The following C5 variants were observed in gnomAD, a reference collection of about 807,000 sequenced individuals.
C5 encodes the protein complement C5.
Under a neutral mutation model 218.8 loss-of-function variants are expected in C5, and 140 were observed. That is an observed-to-expected ratio of 0.64 (90% confidence interval 0.56 to 0.74). The LOEUF (loss-of-function observed/expected upper bound fraction) is 0.74. Among genes scored for constraint, C5 ranks in the 30% least tolerant of loss-of-function variants. The pLI, the probability that C5 is intolerant of heterozygous loss-of-function variation, is 0.00. For synonymous variants in C5, 614 were observed against 682.3 expected (o/e 0.90, Z 1.56); for missense variants, 1,700 against 1,969.6 (o/e 0.86, Z 2.59).
chr9:120,952,932 A>T (rs1210057730), intron 40 of C5, 64 bp from the exon 41 acceptor site: 2 of 1,559,074 alleles, frequency 1.3e-6, no homozygotes, highest in Non-Finnish European at 1.8e-6. Flanking sequence ...TGATTTCTTT[A>T]TTTTTTTTTG....
At chr9:121,040,164 G>T (rs115607280) in intron 3 of C5, among the ~76,000 whole-genome samples, 1,680 of 152,320 alleles carry the variant, frequency 0.011, 27 homozygotes, top group African/African-American at 0.038. Flanking sequence ...CCTTTAGAAG[G>T]ATCTGTGATG....
intron 1 of C5, among the ~76,000 whole-genome samples, chr9:121,049,383 T>C (rs532501599): frequency 1.4e-4 from 21 of 152,296 alleles, no homozygotes; most frequent in African/African-American, 5.1e-4. Flanking sequence ...GTTGAGTGCT[T>C]GTGGCCATGT....
chr9:121,022,951 C>T (rs1375474044), intron 10 of C5, among the ~76,000 whole-genome samples: 1 of 151,838 alleles, frequency 6.6e-6, no homozygotes, highest in Non-Finnish European at 1.5e-5. Context: ...TGCACAAAGA[C>T]AACACAGAGA....
chr9:121,020,275 T>G, intron 11 of C5, 96 bp from the exon 12 acceptor site: 3 of 1,018,442 alleles, frequency 2.9e-6, no homozygotes, highest in Non-Finnish European at 4.6e-6. Context: ...TATAAATTTC[T>G]AAATTTCACA....
the C5 span, among the ~76,000 whole-genome samples, chr9:121,058,085 A>C: frequency 6.6e-6 from 1 of 152,204 alleles, no homozygotes; most frequent in Non-Finnish European, 1.5e-5. Flanking sequence ...ATTTTATGAG[A>C]CTCAGACATA....
chr9:120,984,241 C>T (rs2047016485), intron 25 of C5, among the ~76,000 whole-genome samples: 1 of 152,002 alleles, frequency 6.6e-6, no homozygotes, highest in Non-Finnish European at 1.5e-5. Context: ...CTTGCCCCTC[C>T]ACAACTAGGT....
chr9:120,988,577 G>C (rs41311895), intron 25 of C5, among the ~76,000 whole-genome samples: 3,317 of 152,236 alleles, frequency 0.022, 130 homozygotes, highest in African/African-American at 0.077. Flanking sequence ...GAGTATAGGA[G>C]ATAAAGTAGG....
chr9:121,008,125 G>A (rs1359300485), intron 18 of C5, among the ~76,000 whole-genome samples: 1 of 152,112 alleles, frequency 6.6e-6, no homozygotes, highest in Non-Finnish European at 1.5e-5. Flanking sequence ...TTAATATAGT[G>A]TATCGCACAT....
Position 121,021,558 on chromosome 9 carries a change from G to A in C5, c.1253C>T (p.Ala418Val), listed in dbSNP as rs2047365331. Residue 418 changes from alanine to valine, a missense_variant, in exon 11 of 41, where the codon GCT becomes GTT. Transcript: ENST00000223642. ...KSVTRVDDGV[A>V]SFVLNLPSGV... The stretch of plus-strand genomic sequence containing the variant: ...AGATGGGAGATTAAGCACAAAGGAA[G>A]CTACTCCATCATCAACACGTGTTAC... 1 of 1,613,784 alleles carries A rather than the reference G, an allele frequency of 6.2e-7. No individual in the cohort carries two copies. The highest frequency in any genetic ancestry group is 1.3e-5 in the African/African-American group (1 of 74,880).
intron 2 of C5, among the ~76,000 whole-genome samples, chr9:121,044,161 C>A (rs965665368): frequency 2.0e-5 from 3 of 152,100 alleles, no homozygotes; most frequent in Non-Finnish European, 4.4e-5. Flanking sequence ...TAAGTTCTTT[C>A]TCCCCTTTTA....
At chr9:120,964,796 T>G (rs2131672694) in intron 33 of C5, among the ~76,000 whole-genome samples, 1 of 152,356 alleles carries the variant, frequency 6.6e-6, no homozygotes, top group South Asian at 2.1e-4. Flanking sequence ...TTCCCCTTTC[T>G]AAGCTCATTT....
At position 121,038,086 on chromosome 9, in the gene C5, C is replaced by T. The variant is rs2047545246; in HGVS notation, c.422-135G>A. The T allele has an allele frequency of 5.8e-6, 3 of 518,570 alleles. No individual in the cohort carries two copies. In the Admixed American group the frequency reaches 1.0e-4, roughly 17 times the overall value. The allele number at this position is 518,570 out of a possible 1,614,324, so 32.1% of individuals were successfully genotyped here. ...CACAAAAGTCCATATTTGAAAAAAACAAAAATTAGTTTGCAGACATATACA... is the reference window on the plus strand; with the variant it reads ...CACAAAAGTCCATATTTGAAAAAAATAAAAATTAGTTTGCAGACATATACA... On this transcript the variant is annotated intron_variant, in intron 3 of 40. Transcript: ENST00000223642.
At chr9:120,994,971 G>C (rs2047105647) in intron 22 of C5, among the ~76,000 whole-genome samples, 1 of 151,780 alleles carries the variant, frequency 6.6e-6, no homozygotes, top group Admixed American at 6.6e-5. Context: ...TGGCTTTTGA[G>C]GCTTGATATA....
chr9:121,071,127 G>A, the C5 span, among the ~76,000 whole-genome samples: 3 of 151,928 alleles, frequency 2.0e-5, no homozygotes, highest in African/African-American at 7.2e-5. Flanking sequence ...TGATCAACAT[G>A]GTGAAGCACT....
chr9:121,073,319 C>T, the C5 span, among the ~76,000 whole-genome samples: 1 of 152,146 alleles, frequency 6.6e-6, no homozygotes, highest in Admixed American at 6.5e-5. Context: ...GTTCCCTTTG[C>T]CAAGCAAATT....
chr9:121,006,173 A>G (rs2047214293), intron 19 of C5, 115 bp from the exon 20 acceptor site: 1 of 989,534 alleles, frequency 1.0e-6, no homozygotes, highest in Non-Finnish European at 1.6e-6. Context: ...ATATTAGATC[A>G]TGTTTTTCTC....
chr9:121,046,926 C>T (rs571506816), intron 1 of C5, among the ~76,000 whole-genome samples: 42 of 152,144 alleles, frequency 2.8e-4, no homozygotes, highest in African/African-American at 1.0e-3. Flanking sequence ...ATTAATCTCA[C>T]TAAATTAGTT....
Position 120,970,212 on chromosome 9 carries a change from C to A in C5, c.4120G>T (p.Val1374Phe). The change falls in exon 32 of 41, where the codon GTT (valine) becomes TTT (phenylalanine). Residue 1374 changes from valine (V) to phenylalanine (F), a missense_variant. Coordinates refer to ENST00000223642, the MANE Select transcript of C5 (RefSeq NM_001735.3). ...TCGATTTTCAAATAAAAGCTGCAAACTTCCTCAGAGGTACTGGTTTTGTGA... is the reference window on the plus strand; with the variant it reads ...TCGATTTTCAAATAAAAGCTGCAAAATTCCTCAGAGGTACTGGTTTTGTGA... Reference protein sequence around the residue: ...VVHKTSTSEEVCSFYLKIDTQ... With the variant: ...VVHKTSTSEEFCSFYLKIDTQ... 2 of 1,613,626 alleles carry A rather than the reference C, an allele frequency of 1.2e-6. No individual in the cohort carries two copies. Among genetic ancestry groups the A allele is most frequent in the South Asian group, 1.1e-5 (1 of 91,072 alleles).
intron 4 of C5, among the ~76,000 whole-genome samples, chr9:121,035,453 T>G (rs1458139141): frequency 6.6e-6 from 1 of 152,200 alleles, no homozygotes; most frequent in Non-Finnish European, 1.5e-5. Context: ...ATTTTGTGTT[T>G]GGGTTAGCAA....
Sources: allele counts gnomAD v4.1 joint callset (sites outside exome capture counted in the v4.1 genomes callset), GRCh38; gene constraint gnomAD v4.1.1; transcripts MANE v1.5; gene names NCBI Gene and HGNC (gene_info 2026-07-23, HGNC 2026-07-21).